PDCD2L: variants seen among roughly 807,000 people sequenced by gnomAD.
PDCD2L encodes uS5 assembly chaperone PDCD2L.
A neutral mutation model predicts 40.4 loss-of-function variants in PDCD2L; 44 were observed. That is an observed-to-expected ratio of 1.09 (90% CI 0.86 to 1.40). The LOEUF is 1.40. PDCD2L is among the 40% of genes most tolerant of loss of function. The probability of loss-of-function intolerance (pLI) is 0.00; values close to 1 mark genes in which losing one functional copy is unlikely to be tolerated. For missense variants in PDCD2L, 470 were observed against 453.7 expected (o/e 1.04, Z -0.33); for synonymous variants, 194 against 174.6 (o/e 1.11, Z -0.88).
chr19:34,406,084 G>T (rs2075073820), intron 3 of PDCD2L, among the ~76,000 whole-genome samples: 1 of 152,228 alleles, frequency 6.6e-6, no homozygotes, highest in South Asian at 2.1e-4. Flanking sequence ...TGAGGCTGCA[G>T]TGACCTACAC....
At chr19:34,417,008 G>A (rs2075129245) in intron 5 of PDCD2L, among the ~76,000 whole-genome samples, 1 of 152,088 alleles carries the variant, frequency 6.6e-6, no homozygotes, top group Non-Finnish European at 1.5e-5. Context: ...CAGCTGTTCA[G>A]GAGACTAAGG....
chr19:34,419,308 G>A (rs567367479), intron 5 of PDCD2L, among the ~76,000 whole-genome samples: 10 of 151,922 alleles, frequency 6.6e-5, no homozygotes, highest in African/African-American at 2.4e-4. Context: ...TTACTGGTGC[G>A]CACCACCATG....
chr19:34,410,002 T>G (rs2075094809), intron 4 of PDCD2L, among the ~76,000 whole-genome samples: 1 of 152,200 alleles, frequency 6.6e-6, no homozygotes, highest in Non-Finnish European at 1.5e-5. Context: ...CTCTGTTCTC[T>G]GTTTCATCCC....
chr19:34,420,307 T>A (rs1214676368), intron 5 of PDCD2L, among the ~76,000 whole-genome samples: 1 of 147,378 alleles, frequency 6.8e-6, no homozygotes, highest in Non-Finnish European at 1.5e-5. Context: ...GTCCACTAGG[T>A]TTTTTTTTTG....
chr19:34,413,905 A>G (rs11881405), intron 5 of PDCD2L, 58 bp downstream of exon 5: 1 of 1,123,996 alleles, frequency 8.9e-7, no homozygotes, highest in Non-Finnish European at 1.3e-6. Flanking sequence ...AATACATATT[A>G]GTTTGGAAAA....
At chr19:34,416,013 TG>T (rs1479053186) in intron 5 of PDCD2L, among the ~76,000 whole-genome samples, 1 of 152,214 alleles carries the variant, frequency 6.6e-6, no homozygotes, top group African/African-American at 2.4e-5. Flanking sequence ...CTCCATTTTC[TG>T]GGTTCAAGCA....
intron 5 of PDCD2L, 79 bp from the exon 6 acceptor site, chr19:34,421,440 A>T: frequency 3.3e-6 from 5 of 1,508,176 alleles, no homozygotes; most frequent in Non-Finnish European, 4.5e-6. Context: ...AAACAAAGAA[A>T]GGTTGCAAAG....
At chr19:34,425,530 T>A (rs373414376) in intron 6 of PDCD2L, among the ~76,000 whole-genome samples, 1 of 149,700 alleles carries the variant, frequency 6.7e-6, no homozygotes, top group Non-Finnish European at 1.5e-5. Context: ...ATATATATAT[T>A]TTGTTTGTTT....
At chr19:34,420,682 C>T (rs934711808) in intron 5 of PDCD2L, among the ~76,000 whole-genome samples, 1 of 151,520 alleles carries the variant, frequency 6.6e-6, no homozygotes. Flanking sequence ...TTCCCAGCTA[C>T]TCAGGAGGCT....
chr19:34,414,237 G>A (rs886658825), intron 5 of PDCD2L, among the ~76,000 whole-genome samples: 7 of 151,446 alleles, frequency 4.6e-5, no homozygotes, highest in Non-Finnish European at 7.4e-5. Context: ...GTGTAGTGGC[G>A]TGATCTTGGC....
intron 5 of PDCD2L, among the ~76,000 whole-genome samples, chr19:34,414,059 A>G (rs538127461): frequency 1.3e-5 from 2 of 152,304 alleles, no homozygotes; most frequent in South Asian, 4.1e-4. Flanking sequence ...TTGTCTAACA[A>G]ATACTTACGA....
chr19:34,425,010 T>C (rs923855636), intron 6 of PDCD2L, among the ~76,000 whole-genome samples: 3 of 152,234 alleles, frequency 2.0e-5, no homozygotes, highest in Non-Finnish European at 4.4e-5. Flanking sequence ...CCTCCCAATG[T>C]GCTGGGATTA....
At chr19:34,415,628 T>C (rs1197741560) in intron 5 of PDCD2L, among the ~76,000 whole-genome samples, 1 of 152,140 alleles carries the variant, frequency 6.6e-6, no homozygotes, top group African/African-American at 2.4e-5. Flanking sequence ...ACAGTGAATC[T>C]AAAAGCTAAA....
rs76484280 is a variant in PDCD2L, at chr19:34,415,360, C to T, written c.797+1513C>T. 7.9e-3 allele frequency among the ~76,000 whole-genome samples: 1,206 copies of T among 152,124 alleles called. 21 individuals carry two copies. The highest frequency in any genetic ancestry group is 0.071 in the South Asian group (344 of 4,824). On this transcript the variant is annotated intron_variant, in intron 5 of 6. Transcript: ENST00000246535. Reference sequence around the variant, plus strand: ...AACTCCTGACTTCAAATGATCTGCCCGCTTCAGCCTCCCAAAGTGCTGGAG... The same window carrying T: ...AACTCCTGACTTCAAATGATCTGCCTGCTTCAGCCTCCCAAAGTGCTGGAG...
chr19:34,410,694 T>G (rs1301408713), intron 4 of PDCD2L, among the ~76,000 whole-genome samples: 1 of 152,150 alleles, frequency 6.6e-6, no homozygotes, highest in Non-Finnish European at 1.5e-5. Flanking sequence ...TGAAGGGGAA[T>G]GCATGAAGAC....
Position 34,404,434 on chromosome 19 carries a change from G to T in PDCD2L, c.4G>T (p.Ala2Ser). The T allele has an allele frequency of 6.5e-7, 1 of 1,542,098 alleles. No homozygotes were observed. The change falls in exon 1 of 7, where the codon GCG becomes TCG. Residue 2 changes from alanine to serine, a missense_variant. By Grantham distance (99) the Ala-to-Ser change is moderately conservative. Coordinates refer to ENST00000246535, the MANE Select transcript of PDCD2L (RefSeq NM_032346.2). ...TTCACCTGGTCGCCCGGCGGCCATG[G>T]CGGCCGTTCTGAAGCCGGTGCTGCT... is the stretch of plus-strand genomic sequence containing the variant. M[A>S]AVLKPVLLGL... is the part of the protein sequence containing the mutation.
Position 34,413,803 on chromosome 19 carries a change from CA to C in PDCD2L, c.756del (p.Lys252AsnfsTer3). 6.2e-7 allele frequency: 1 copy of C among 1,608,568 alleles called. No individual in the cohort carries two copies. The highest frequency in any genetic ancestry group is 8.5e-7 in the Non-Finnish European group (1 of 1,176,430). Reference sequence around the variant, plus strand: ...TTAAAAGTGGAGATCAGACGTTTTACAAATTCATGAAGCGAATTGCTGCTTG... The same window carrying C: ...TTAAAAGTGGAGATCAGACGTTTTACAATTCATGAAGCGAATTGCTGCTTG... ...IIKSGDQTFY[K>X]FMKRIAACQE... is the part of the protein sequence containing the mutation. On this transcript the variant is annotated frameshift_variant, in exon 5 of 7. Transcript: ENST00000246535. LOFTEE classifies it high-confidence loss of function.
intron 5 of PDCD2L, among the ~76,000 whole-genome samples, chr19:34,418,707 A>T (rs902136989): frequency 6.6e-6 from 1 of 152,222 alleles, no homozygotes; most frequent in African/African-American, 2.4e-5. Flanking sequence ...CAGTTTTCCA[A>T]AGTGGTTATG....
intron 5 of PDCD2L, among the ~76,000 whole-genome samples, chr19:34,417,398 A>G (rs1251781083): frequency 6.6e-6 from 1 of 152,086 alleles, no homozygotes; most frequent in Non-Finnish European, 1.5e-5. Flanking sequence ...TCACAAAGTC[A>G]GGAGTTCCAG....
Sources: allele counts gnomAD v4.1 joint callset (sites outside exome capture counted in the v4.1 genomes callset), GRCh38; gene constraint gnomAD v4.1.1; transcripts MANE v1.5; gene names NCBI Gene and HGNC (gene_info 2026-07-23, HGNC 2026-07-21).